Variants in NAB1 observed in about 807,000 individuals in gnomAD.
NAB1 encodes the protein NGFI-A binding protein 1.
Under a neutral mutation model 49.9 loss-of-function variants are expected in NAB1, and 25 were observed. The observed-to-expected ratio is 0.50, with a 90% CI of 0.37 to 0.70. The LOEUF (loss-of-function observed/expected upper bound fraction) is 0.70, where lower values mean the gene tolerates loss of function less well. NAB1 is among the 30% of genes least tolerant of loss of function. The pLI, the probability that NAB1 is intolerant of heterozygous loss-of-function variation, is 0.00. For missense variants in NAB1, 489 were observed against 575.9 expected (o/e 0.85, Z 1.54); for synonymous variants, 198 against 215.6 (o/e 0.92, Z 0.71).
At position 190,657,965 on chromosome 2, in the gene NAB1, T is replaced by G. The variant is rs1180869567; in HGVS notation, c.-19-1193T>G. Among the ~76,000 whole-genome samples the G allele has an allele frequency of 6.6e-6, 1 of 152,240 alleles. No individual in the cohort carries two copies. Among genetic ancestry groups the G allele is most frequent in the African/African-American group, 2.4e-5 (1 of 41,458 alleles). On this transcript the variant is annotated intron_variant, in intron 3 of 9. Coordinates refer to ENST00000337386, the MANE Select transcript of NAB1 (RefSeq NM_005966.4). The surrounding 1 kb of genome is among the most constrained non-coding windows in gnomAD (Gnocchi z 4.4). ...GTACTTTTAATCCTAAGGGTGCATT[T>G]GATTACAACAAGTTTATTTGTTTCT...
chr2:190,682,199 T>A lies in NAB1; in HGVS notation c.1006-1539T>A, dbSNP rs1354249901. Among the ~76,000 whole-genome samples, 1 of 152,242 alleles carries A rather than the reference T, an allele frequency of 6.6e-6. No homozygotes were observed. The highest frequency in any genetic ancestry group is 1.5e-5 in the Non-Finnish European group (1 of 68,038). ...AGATAGGCCCTATTTATTATGGGAA[T>A]TTAGTATGTATTGATATACTTACTT... is the stretch of plus-strand genomic sequence containing the variant. On this transcript the variant is annotated intron_variant, in intron 6 of 9. Transcript: ENST00000337386. The surrounding 1 kb of genome is among the most constrained non-coding windows in gnomAD (Gnocchi z 4.1).
chr2:190,671,841 T>C (rs1432819426), intron 5 of NAB1, among the ~76,000 whole-genome samples: 2 of 142,982 alleles, frequency 1.4e-5, no homozygotes, highest in Non-Finnish European at 3.0e-5. Context: ...AATAGCTCGA[T>C]CTTGGTTCAC....
chr2:190,674,891 C>CA lies in NAB1; in HGVS notation c.1005+1745dup, dbSNP rs1694997108. 6.6e-6 allele frequency among the ~76,000 whole-genome samples: 1 copy of CA among 151,966 alleles called. No homozygotes were observed. The highest frequency in any genetic ancestry group is 6.5e-5 in the Admixed American group (1 of 15,274). On this transcript the variant is annotated intron_variant, in intron 6 of 9. Transcript: ENST00000337386. This position sits in a 1 kb window ranked among gnomAD's most constrained non-coding sequence, Gnocchi z 5.7. Reference sequence around the variant, plus strand: ...CATGGGGAGACCCTGTCTCTACCCCCAAAAAAGTACTTATATTTGTAACCT... The same window carrying CA: ...CATGGGGAGACCCTGTCTCTACCCCCAAAAAAAGTACTTATATTTGTAACCT...
chr2:190,650,161 G>T (rs761907485), intron 2 of NAB1, among the ~76,000 whole-genome samples, 179 bp downstream of exon 2: 29 of 152,246 alleles, frequency 1.9e-4, no homozygotes, highest in Admixed American at 5.2e-4. Flanking sequence ...CGATTCTGCA[G>T]ACCAAGCTTT....
In NAB1 at chr2:190,649,649, T is replaced by C. The variant is rs6434406; in HGVS notation, c.-333-197T>C. 147,951 of 151,988 alleles carry C rather than the reference T, an allele frequency of 0.97. 72,120 individuals carry two copies. Among genetic ancestry groups the C allele is most frequent in the Middle Eastern group, 1 (294 of 294 alleles). The allele number at this position is 151,988 out of a possible 1,614,324, so 9.4% of individuals were successfully genotyped here. ...GAAAGGTTGGGGTGCCGAGTCCGTT[T>C]TGCTAACGGGGCTGGGGGCGTCACA... On this transcript the variant is annotated intron_variant, in intron 1 of 9. Coordinates refer to ENST00000337386, the MANE Select transcript of NAB1 (RefSeq NM_005966.4). This position sits in a 1 kb window ranked among gnomAD's most constrained non-coding sequence, Gnocchi z 6.1.
At chr2:190,687,426 A>G (rs1447907207) in intron 9 of NAB1, 109 bp downstream of exon 9, 2 of 640,668 alleles carry the variant, frequency 3.1e-6, no homozygotes. Context: ...AAAAGTCATT[A>G]CTGACAGTGT....
In NAB1 at chr2:190,689,089, G is replaced by GT. The variant is rs1222695706; in HGVS notation, c.1376-1155dup. ...GATCCGCCCGCCTCGGCCCCACAAA[G>GT]TGCTGGGATTACAGGTGTGAGCCAC... On this transcript the variant is annotated intron_variant, in intron 9 of 9. Coordinates refer to ENST00000337386, the MANE Select transcript of NAB1 (RefSeq NM_005966.4). This position sits in a 1 kb window ranked among gnomAD's most constrained non-coding sequence, Gnocchi z 4.3. Among the ~76,000 whole-genome samples, 8 of 152,118 alleles carry GT rather than the reference G, an allele frequency of 5.3e-5. No individual in the cohort carries two copies. Among genetic ancestry groups the GT allele is most frequent in the Non-Finnish European group, 1.0e-4 (7 of 68,024 alleles).
At chr2:190,671,138 C>A (rs1340153670) in intron 5 of NAB1, among the ~76,000 whole-genome samples, 1 of 152,160 alleles carries the variant, frequency 6.6e-6, no homozygotes, top group South Asian at 2.1e-4. Flanking sequence ...TTGTGTTGTG[C>A]CTGCCACTGT....
chr2:190,674,837 G>A lies in NAB1; in HGVS notation c.1005+1685G>A, dbSNP rs1012126498. 3.9e-5 allele frequency among the ~76,000 whole-genome samples: 6 copies of A among 152,180 alleles called. No homozygotes were observed. The highest frequency in any genetic ancestry group is 1.4e-4 in the African/African-American group (6 of 41,436). On this transcript the variant is annotated intron_variant, in intron 6 of 9. Transcript: ENST00000337386. The surrounding 1 kb of genome is among the most constrained non-coding windows in gnomAD (Gnocchi z 5.7). The stretch of plus-strand genomic sequence containing the variant: ...AGGCCAAGACAGAAGGATTGCTTGA[G>A]CTCAGGAGGTCGAGACCAGCCTGGG...
At chr2:190,671,769 CT>C (rs1177937369) in intron 5 of NAB1, among the ~76,000 whole-genome samples, 9,897 of 71,496 alleles carry the variant, frequency 0.14, 79 homozygotes, top group Middle Eastern at 0.19. Flanking sequence ...TTCACCTTTC[CT>C]TTTTTTTTTT....
chr2:190,681,737 TGATA>T (rs1695356957), intron 6 of NAB1, among the ~76,000 whole-genome samples: 1 of 152,342 alleles, frequency 6.6e-6, no homozygotes, highest in South Asian at 2.1e-4. Context: ...GAATGTATTT[TGATA>T]GATAAAATAT....
rs1695931060 is a variant in NAB1 at position 190,691,428 on chromosome 2, T to C, written c.*1095T>C. ...AATTGACAGCTATATTCATTATTTA[T>C]TTTACAATTTCATTTTTCTACACCT... On this transcript the variant is annotated 3_prime_UTR_variant, in exon 10 of 10. Transcript: ENST00000337386. The surrounding 1 kb of genome is among the most constrained non-coding windows in gnomAD (Gnocchi z 4.1). 6.6e-6 allele frequency: 1 copy of C among 152,306 alleles called. No individual in the cohort carries two copies. Among genetic ancestry groups the C allele is most frequent in the South Asian group, 2.1e-4 (1 of 4,834 alleles). 9.4% of individuals were successfully genotyped at this position (152,306 alleles called of 1,614,324 possible). A position where few individuals can be genotyped will look rare whatever the true frequency, so the allele number is the denominator to read the frequency against.
chr2:190,659,028 C>G lies in NAB1; in HGVS notation c.-19-130C>G. 1.6e-6 allele frequency: 1 copy of G among 623,418 alleles called. No individual in the cohort carries two copies. The highest frequency in any genetic ancestry group is 4.2e-4 in the Middle Eastern group (1 of 2,384). 38.6% of individuals were successfully genotyped at this position (623,418 alleles called of 1,614,324 possible). ...TGAGATAAAGTATGTAGAGAGAATG[C>G]TGCCTTCACAGGCAGTCACGATGCA... On this transcript the variant is annotated intron_variant, in intron 3 of 9. Coordinates refer to ENST00000337386, the MANE Select transcript of NAB1 (RefSeq NM_005966.4). The surrounding 1 kb of genome is among the most constrained non-coding windows in gnomAD (Gnocchi z 6.2).
Position 190,670,884 on chromosome 2 carries a change from C to T in NAB1, c.953+425C>T, listed in dbSNP as rs1010992234. 1.3e-5 allele frequency among the ~76,000 whole-genome samples: 2 copies of T among 152,168 alleles called. No homozygotes were observed. The highest frequency in any genetic ancestry group is 2.4e-5 in the African/African-American group (1 of 41,424). ...GATGAGATTAGCTGAATATGTAAAACGACTCTATTGACTAGTATCTAAGGG... is the reference window on the plus strand; with the variant it reads ...GATGAGATTAGCTGAATATGTAAAATGACTCTATTGACTAGTATCTAAGGG... On this transcript the variant is annotated intron_variant, in intron 5 of 9. Coordinates refer to ENST00000337386, the MANE Select transcript of NAB1 (RefSeq NM_005966.4). The surrounding 1 kb of genome is among the most constrained non-coding windows in gnomAD (Gnocchi z 5.3).
chr2:190,665,996 C>A (rs760777427), intron 4 of NAB1, among the ~76,000 whole-genome samples: 1 of 152,138 alleles, frequency 6.6e-6, no homozygotes, highest in Non-Finnish European at 1.5e-5. Context: ...AAGATTGAAA[C>A]TCAAGCTCAT....
intron 8 of NAB1, 60 bp from the exon 9 acceptor site, chr2:190,687,141 T>G: frequency 8.8e-7 from 1 of 1,140,206 alleles, no homozygotes; most frequent in Non-Finnish European, 1.2e-6. Context: ...AAAATTTATT[T>G]TTAAGAAAAA....
chr2:190,683,864 T>C (rs1399099492), intron 7 of NAB1, 37 bp downstream of exon 7: 1 of 1,486,396 alleles, frequency 6.7e-7, no homozygotes, highest in African/African-American at 1.4e-5. Flanking sequence ...CATGATAGTA[T>C]CTGAAGGTTA....
intron 9 of NAB1, among the ~76,000 whole-genome samples, chr2:190,688,085 C>G (rs1295676349): frequency 6.6e-6 from 1 of 152,098 alleles, no homozygotes; most frequent in Non-Finnish European, 1.5e-5. Context: ...CATTAGAGAC[C>G]AGCACAATTT....
In NAB1 at chr2:190,691,871, C is replaced by T. The variant is rs1472860602; in HGVS notation, c.*1538C>T. On this transcript the variant is annotated 3_prime_UTR_variant, in exon 10 of 10. Coordinates refer to ENST00000337386, the MANE Select transcript of NAB1 (RefSeq NM_005966.4). This position sits in a 1 kb window ranked among gnomAD's most constrained non-coding sequence, Gnocchi z 4.1. ...CCAAATGTTAGATGAAATGTCTGCA[C>T]TGTAGTCTCAGATCACTGTCACGTA... is the stretch of plus-strand genomic sequence containing the variant. 6.6e-6 allele frequency: 1 copy of T among 152,304 alleles called. No individual in the cohort carries two copies. Among genetic ancestry groups the T allele is most frequent in the Non-Finnish European group, 1.5e-5 (1 of 68,016 alleles). 9.4% of individuals were successfully genotyped at this position (152,304 alleles called of 1,614,324 possible).
Sources: allele counts gnomAD v4.1 joint callset (sites outside exome capture counted in the v4.1 genomes callset), GRCh38; gene constraint gnomAD v4.1.1; non-coding constraint Gnocchi (gnomAD v3.1); transcripts MANE v1.5; gene names NCBI Gene and HGNC (gene_info 2026-07-23, HGNC 2026-07-21).